Variants in RNF38 observed in about 807,000 individuals in gnomAD.
RNF38 encodes the protein ring finger protein 38.
In RNF38, 15 loss-of-function variants were observed where a neutral mutation model predicts 67.2. The observed-to-expected ratio is 0.22, with a 90% CI of 0.15 to 0.34. RNF38 has a LOEUF of 0.34. Among genes scored for constraint, RNF38 ranks in the 10% least tolerant of loss-of-function variants. The pLI is 1.00. For missense variants in RNF38, 524 were observed against 639.9 expected (o/e 0.82, Z 1.95); for synonymous variants, 220 against 218.8 (o/e 1.01, Z -0.05).
chr9:36,368,511 T>C (rs999564720), intron 4 of RNF38, among the ~76,000 whole-genome samples: 1 of 152,342 alleles, frequency 6.6e-6, no homozygotes, highest in East Asian at 1.9e-4. Context: ...AATGGGACTT[T>C]GTAAACACTT....
At chr9:36,398,205 C>T (rs539159858) in intron 1 of RNF38, among the ~76,000 whole-genome samples, 1 of 152,042 alleles carries the variant, frequency 6.6e-6, no homozygotes, top group Non-Finnish European at 1.5e-5. Context: ...ATAACAGGAA[C>T]TACAAGAAGA....
intron 9 of RNF38, among the ~76,000 whole-genome samples, chr9:36,345,398 T>A (rs1451748239): frequency 2.6e-5 from 4 of 152,180 alleles, no homozygotes; most frequent in Non-Finnish European, 5.9e-5. Context: ...AAAACAAAGT[T>A]AGTAACTTTG....
upstream of RNF38, among the ~76,000 whole-genome samples, chr9:36,401,858 ACT>A (rs1838046759): frequency 1.3e-5 from 2 of 151,876 alleles, no homozygotes; most frequent in Non-Finnish European, 2.9e-5. Flanking sequence ...TCAACAGAAA[ACT>A]CGGGTTTTCA....
chr9:36,428,833 A>G (rs1269333069), intron 1 of RNF38, among the ~76,000 whole-genome samples: 1 of 152,166 alleles, frequency 6.6e-6, no homozygotes, highest in Non-Finnish European at 1.5e-5. Context: ...TGTACCAGAC[A>G]TATGTACACA....
chr9:36,400,655 G>C, upstream of RNF38: 2 of 985,850 alleles, frequency 2.0e-6, no homozygotes, highest in Non-Finnish European at 2.4e-6. Flanking sequence ...CAGCTCGCCA[G>C]ATCCGCCGTC....
chr9:36,469,429 G>T (rs1440440486), intron 1 of RNF38, among the ~76,000 whole-genome samples: 1 of 152,070 alleles, frequency 6.6e-6, no homozygotes, highest in African/African-American at 2.4e-5. Flanking sequence ...GGAGGCTGAG[G>T]TGGGCGAATC....
chr9:36,453,833 AGTTTTT>A (rs1839519977), intron 1 of RNF38, among the ~76,000 whole-genome samples: 2 of 152,224 alleles, frequency 1.3e-5, no homozygotes, highest in South Asian at 2.1e-4. Context: ...GAGAATAATT[AGTTTTT>A]AAGTGTGATA....
rs34327659 is a variant in RNF38 at position 36,462,677 on chromosome 9, A to AT, written n.241+24630dup. Reference sequence around the variant, plus strand: ...GATGCTTTCTCTGACCAACTGATTGATTTTTTTTTTTTTTTGAGACAGAGT... The same window carrying AT: ...GATGCTTTCTCTGACCAACTGATTGATTTTTTTTTTTTTTTTGAGACAGAGT... On this transcript the variant is annotated intron_variant and non_coding_transcript_variant, in intron 1 of 3. Coordinates refer to the RNF38 transcript ENST00000488058. Among the ~76,000 whole-genome samples the AT allele has an allele frequency of 4.4e-3, 628 of 144,194 alleles. 5 individuals are homozygous for AT. Among genetic ancestry groups the AT allele is most frequent in the African/African-American group, 4.8e-3 (189 of 39,296 alleles). The allele number at this position is 144,194 out of a possible 152,430, so 94.6% of individuals were successfully genotyped here.
intron 3 of RNF38, among the ~76,000 whole-genome samples, chr9:36,372,253 T>C (rs1363256870): frequency 6.6e-6 from 1 of 152,160 alleles, no homozygotes; most frequent in Non-Finnish European, 1.5e-5. Flanking sequence ...TTTCTATTTA[T>C]TAAGTTTTAC....
At chr9:36,418,046 T>C (rs954237340) in intron 2 of RNF38, among the ~76,000 whole-genome samples, 2 of 147,876 alleles carry the variant, frequency 1.4e-5, no homozygotes, top group Admixed American at 6.9e-5. Context: ...AATCAATATG[T>C]GATTTTTTTT....
chr9:36,337,282 A>G lies in RNF38; in HGVS notation c.*2470T>C, dbSNP rs1009227414. 7 of 152,442 alleles carry G rather than the reference A, an allele frequency of 4.6e-5. 1 individual carries two copies. The highest frequency in any genetic ancestry group is 8.8e-5 in the Non-Finnish European group (6 of 68,048). 9.4% of individuals were successfully genotyped at this position (152,442 alleles called of 1,614,324 possible). ...AACCACAATAAGCAAGTCTGCACAC[A>G]TCTCTATGAGCCCCATGCAAAGACA... On this transcript the variant is annotated 3_prime_UTR_variant, in exon 12 of 12. Transcript: ENST00000259605.
chr9:36,339,240 A>G lies in RNF38; in HGVS notation c.*512T>C, dbSNP rs1180160332. 6.4e-6 allele frequency: 1 copy of G among 156,354 alleles called. No individual in the cohort carries two copies. Among genetic ancestry groups the G allele is most frequent in the Non-Finnish European group, 1.4e-5 (1 of 70,050 alleles). 9.7% of individuals were successfully genotyped at this position (156,354 alleles called of 1,614,324 possible). A position where few individuals can be genotyped will look rare whatever the true frequency, so the allele number is the denominator to read the frequency against. On this transcript the variant is annotated 3_prime_UTR_variant, in exon 12 of 12. Transcript: ENST00000259605. ...AAAACTACACACACATTCTTGGTAC[A>G]TGCTGGTATATAGGATCTCATACAC...
At chr9:36,457,963 A>T (rs933618243) in intron 1 of RNF38, among the ~76,000 whole-genome samples, 2 of 152,236 alleles carry the variant, frequency 1.3e-5, no homozygotes, top group African/African-American at 4.8e-5. Flanking sequence ...CCTAGCTTTT[A>T]TCAGATCCTC....
chr9:36,433,486 T>G (rs934728266), intron 1 of RNF38, among the ~76,000 whole-genome samples: 7 of 151,892 alleles, frequency 4.6e-5, no homozygotes, highest in Admixed American at 2.6e-4. Flanking sequence ...ATGCCTATAA[T>G]CCCAGCACTT....
intron 1 of RNF38, among the ~76,000 whole-genome samples, chr9:36,437,443 T>A (rs2134284539): frequency 2.0e-5 from 3 of 152,042 alleles, no homozygotes; most frequent in Admixed American, 2.0e-4. Flanking sequence ...AATGTTACCC[T>A]CCATCTAGGA....
chr9:36,398,054 T>C (rs371079270), intron 1 of RNF38, among the ~76,000 whole-genome samples: 75 of 152,316 alleles, frequency 4.9e-4, no homozygotes, highest in Middle Eastern at 3.4e-3. Flanking sequence ...AGAGGTATGA[T>C]TGAGTTATAA....
At chr9:36,485,161 C>T (rs1254599343) in intron 1 of RNF38, among the ~76,000 whole-genome samples, 2 of 152,074 alleles carry the variant, frequency 1.3e-5, no homozygotes, top group Non-Finnish European at 2.9e-5. Flanking sequence ...AGAGAGACTC[C>T]GTCTCAAAAC....
At chr9:36,452,066 T>A (rs76388558) in intron 1 of RNF38, among the ~76,000 whole-genome samples, 5,820 of 151,670 alleles carry the variant, frequency 0.038, 356 homozygotes, top group African/African-American at 0.13. Flanking sequence ...AAAATTTTTT[T>A]AAAAAAAATA....
chr9:36,456,138 G>A (rs1361423491), intron 1 of RNF38, among the ~76,000 whole-genome samples: 1 of 152,004 alleles, frequency 6.6e-6, no homozygotes, highest in Non-Finnish European at 1.5e-5. Context: ...TCAGCTCACT[G>A]CAACCTCCAC....
Sources: gnomAD v4.1 joint callset for allele counts (sites outside exome capture counted in the v4.1 genomes callset) on GRCh38, gnomAD v4.1.1 for gene constraint, MANE v1.5 for transcripts, NCBI Gene and HGNC (gene_info 2026-07-23, HGNC 2026-07-21) for gene names.